RBFOX1: variants seen among roughly 807,000 people sequenced by gnomAD.
RBFOX1 encodes the protein RNA binding protein fox-1 homolog 1.
In RBFOX1, 8 loss-of-function variants were observed where a neutral mutation model predicts 57.7. The ratio of observed to expected loss-of-function variants is 0.14; its 90% CI spans 0.08 to 0.25. RBFOX1 has a LOEUF of 0.25. RBFOX1 is among the 10% of genes least tolerant of loss of function. RBFOX1 has a pLI of 1.00. For missense variants in RBFOX1, 611 were observed against 548.5 expected, an observed-to-expected ratio of 1.11 and a Z score of -1.14; for synonymous variants, 326 against 222.4, an observed-to-expected ratio of 1.47 and a Z score of -4.15.
At chr16:5,729,700 C>T (rs544861182) in intron 3 of RBFOX1, among the ~76,000 whole-genome samples, 5 of 152,164 alleles carry the variant, frequency 3.3e-5, no homozygotes, top group African/African-American at 4.8e-5. Context: ...GTAGGGCTGT[C>T]GGAAAGGCAC....
At chr16:6,500,876 GTTTTTTTTTTT>G (rs1190261525) in intron 2 of RBFOX1, among the ~76,000 whole-genome samples, 2 of 30,134 alleles carry the variant, frequency 6.6e-5, no homozygotes, top group Non-Finnish European at 2.4e-4. Flanking sequence ...TTGGGGAGTA[GTTTTTTTTTTT>G]TTTTTTTTTT....
chr16:6,478,035 C>G (rs535887669), intron 2 of RBFOX1, among the ~76,000 whole-genome samples: 2 of 152,146 alleles, frequency 1.3e-5, no homozygotes, highest in African/African-American at 4.8e-5. Context: ...TAGGCTTTGG[C>G]TTAAGAGAAT....
At chr16:6,641,951 G>T (rs1010374054) in intron 2 of RBFOX1, among the ~76,000 whole-genome samples, 5 of 151,986 alleles carry the variant, frequency 3.3e-5, no homozygotes, top group Non-Finnish European at 5.9e-5. Context: ...CCATTCTTTT[G>T]ACTGCGTTAA....
intron 1 of RBFOX1, among the ~76,000 whole-genome samples, chr16:5,259,411 A>G (rs1330670970): frequency 6.6e-6 from 1 of 152,142 alleles, no homozygotes; most frequent in African/African-American, 2.4e-5. Context: ...TGGGTTGGGA[A>G]CTAGTCTTTG....
chr16:5,729,350 A>G (rs898606292), intron 3 of RBFOX1, among the ~76,000 whole-genome samples: 3 of 150,446 alleles, frequency 2.0e-5, no homozygotes, highest in African/African-American at 7.3e-5. Flanking sequence ...GCATTTTGCA[A>G]TTCCTCAATA....
intron 3 of RBFOX1, among the ~76,000 whole-genome samples, chr16:6,920,939 T>G (rs1209523693): frequency 6.6e-6 from 1 of 152,212 alleles, no homozygotes; most frequent in South Asian, 2.1e-4. Flanking sequence ...GGACACTATC[T>G]GGCTAGTCTG....
chr16:7,095,078 A>G (rs1368598960), intron 4 of RBFOX1, among the ~76,000 whole-genome samples: 2 of 152,010 alleles, frequency 1.3e-5, no homozygotes, highest in Non-Finnish European at 2.9e-5. Context: ...TGATATTAGT[A>G]ATTTGTTTTA....
At chr16:5,638,007 C>T (rs1283190996) in intron 3 of RBFOX1, among the ~76,000 whole-genome samples, 1 of 152,222 alleles carries the variant, frequency 6.6e-6, no homozygotes, top group Non-Finnish European at 1.5e-5. Flanking sequence ...ACTATTCTTT[C>T]CTTTGGATAA....
chr16:7,355,833 C>G (rs2097205328), intron 4 of RBFOX1, among the ~76,000 whole-genome samples: 1 of 152,218 alleles, frequency 6.6e-6, no homozygotes, highest in Non-Finnish European at 1.5e-5. Context: ...AATTTCTTTT[C>G]CTTTCAACCT....
intron 3 of RBFOX1, among the ~76,000 whole-genome samples, chr16:6,819,586 TC>T (rs1307030606): frequency 2.0e-5 from 3 of 151,564 alleles, no homozygotes; most frequent in African/African-American, 7.3e-5. Context: ...ATGCCTGTAA[TC>T]CCAGCTACTC....
intron 2 of RBFOX1, among the ~76,000 whole-genome samples, chr16:5,543,419 T>C (rs2151065381): frequency 6.6e-6 from 1 of 152,238 alleles, no homozygotes; most frequent in Non-Finnish European, 1.5e-5. Flanking sequence ...AACGGCGGAT[T>C]AGACATTGCC....
At chr16:6,971,854 G>A (rs1301773906) in intron 3 of RBFOX1, among the ~76,000 whole-genome samples, 2 of 152,108 alleles carry the variant, frequency 1.3e-5, no homozygotes, top group Non-Finnish European at 2.9e-5. Context: ...TGATGGAAGA[G>A]TCTAATTCCC....
chr16:7,621,801 C>G (rs1295076909), intron 10 of RBFOX1, among the ~76,000 whole-genome samples: 6 of 152,138 alleles, frequency 3.9e-5, no homozygotes, highest in Non-Finnish European at 5.9e-5. Flanking sequence ...TCTTAGAACA[C>G]TGATCAGCAA....
chr16:6,319,457 A>T (rs1463569888), intron 2 of RBFOX1, among the ~76,000 whole-genome samples: 2 of 152,210 alleles, frequency 1.3e-5, no homozygotes, highest in African/African-American at 4.8e-5. Context: ...TCGAACAGGT[A>T]CAACAATGGA....
At chr16:5,886,852 C>T (rs763917070) in intron 4 of RBFOX1, among the ~76,000 whole-genome samples, 1 of 152,236 alleles carries the variant, frequency 6.6e-6, no homozygotes, top group Non-Finnish European at 1.5e-5. Context: ...TGTGCCACAG[C>T]ATTCTAGCCT....
rs145511764 is a variant in RBFOX1, at chr16:5,952,309, C to G, written c.351+84974C>G. On this transcript the variant is annotated intron_variant, in intron 4 of 19. Coordinates refer to the RBFOX1 transcript ENST00000641259. ...GGGATTACAGGCGTGCGCCACCACA[C>G]CTGGTTAATCTTTGTATTTTTCGTA... Among the ~76,000 whole-genome samples the G allele has an allele frequency of 3.2e-3, 489 of 152,086 alleles. 3 individuals carry two copies. The highest frequency in any genetic ancestry group is 0.011 in the African/African-American group (466 of 41,494).
intron 4 of RBFOX1, among the ~76,000 whole-genome samples, chr16:7,496,932 T>A (rs999968750): frequency 6.6e-6 from 1 of 152,068 alleles, no homozygotes; most frequent in African/African-American, 2.4e-5. Flanking sequence ...TGTGAAGAAG[T>A]TGTCCTGAGA....
intron 3 of RBFOX1, among the ~76,000 whole-genome samples, chr16:5,614,351 A>T (rs999250296): frequency 6.6e-6 from 1 of 152,172 alleles, no homozygotes; most frequent in African/African-American, 2.4e-5. Flanking sequence ...AGAATCTTCA[A>T]TGCAACTTTC....
chr16:5,420,496 G>GT lies in RBFOX1; in HGVS notation c.220-46712dup, dbSNP rs928556527. On this transcript the variant is annotated intron_variant, in intron 1 of 2. Coordinates refer to the RBFOX1 transcript ENST00000585867. ...TGTACACACAGACTGCATCCACTTT[G>GT]TTTTTTTTGTTGTTTGTTTTTTGTT... Among the ~76,000 whole-genome samples the GT allele has an allele frequency of 2.6e-3, 395 of 151,604 alleles. 3 individuals are homozygous for GT. The highest frequency in any genetic ancestry group is 9.2e-3 in the African/African-American group (381 of 41,314).
Sources: allele counts gnomAD v4.1 joint callset (sites outside exome capture counted in the v4.1 genomes callset), GRCh38; gene constraint gnomAD v4.1.1; transcripts MANE v1.5; gene names NCBI Gene and HGNC (gene_info 2026-07-23, HGNC 2026-07-21).